The following ZNF717 variants were observed in gnomAD, a reference collection of about 807,000 sequenced individuals.
ZNF717 encodes krueppel-like factor X17.
In ZNF717, 9 loss-of-function variants were observed where a neutral mutation model predicts 13.8. The ratio of observed to expected loss-of-function variants is 0.65; its 90% CI spans 0.39 to 1.14. ZNF717 has a LOEUF of 1.14. Among genes scored for constraint, ZNF717 ranks in the 50% most tolerant of loss-of-function variants. The pLI is 0.01. For synonymous variants in ZNF717, 327 were observed against 364.1 expected, an observed-to-expected ratio of 0.90 and a Z score of 1.16; for missense variants, 1,040 against 1,080.7, an observed-to-expected ratio of 0.96 and a Z score of 0.53.
chr3:75,712,985 A>G (rs1353796717), intron 5 of ZNF717, among the ~76,000 whole-genome samples: 1 of 151,790 alleles, frequency 6.6e-6, no homozygotes, highest in Non-Finnish European at 1.5e-5. Context: ...GGTGGCTCAC[A>G]CCTGTAATCC....
intron 2 of ZNF717, among the ~76,000 whole-genome samples, chr3:75,765,179 A>C (rs891918069): frequency 4.0e-5 from 6 of 151,864 alleles, no homozygotes; most frequent in Admixed American, 6.6e-5. Context: ...TATATAAGCC[A>C]AATTTTTAGA....
chr3:75,738,418 T>C lies in ZNF717; in HGVS notation c.1205A>G (p.Lys402Arg). The C allele has an allele frequency of 2.0e-6, 3 of 1,531,868 alleles. No individual in the cohort carries two copies. Among genetic ancestry groups the C allele is most frequent in the Non-Finnish European group, 2.6e-6 (3 of 1,133,154 alleles). 94.9% of individuals were successfully genotyped at this position (1,531,868 alleles called of 1,614,324 possible). The change falls in exon 5 of 5, where the codon AAA becomes AGA. Residue 402 changes from lysine (K) to arginine (R), a missense_variant. Transcript: ENST00000652011. ...GAGGTATGACTTCTGGCTAAAGGTT[T>C]TTCCACATTCACTACACTGATAGGG... ...EKPYQCSECG[K>R]TFSQKSYLTI...
At chr3:75,780,751 A>C (rs1388230675) in intron 2 of ZNF717, among the ~76,000 whole-genome samples, 1 of 152,246 alleles carries the variant, frequency 6.6e-6, no homozygotes, top group Non-Finnish European at 1.5e-5. Context: ...TTTTAAACTA[A>C]GCTCATGCAA....
chr3:75,703,102 G>T (rs1937731049), intron 6 of ZNF717, among the ~76,000 whole-genome samples: 1 of 152,308 alleles, frequency 6.6e-6, no homozygotes, highest in African/African-American at 2.4e-5. Context: ...TATTAAATTT[G>T]ATTTGGTTTC....
At chr3:75,731,560 C>CA (rs1380986718), downstream of ZNF717, among the ~76,000 whole-genome samples, 5 of 75,756 alleles carry the variant, frequency 6.6e-5, no homozygotes, top group African/African-American at 2.6e-4. Context: ...GAGTCCATCT[C>CA]AAAAAAAGGA....
chr3:75,739,728 TTTTC>T (rs1940117394), intron 4 of ZNF717, among the ~76,000 whole-genome samples: 1 of 152,126 alleles, frequency 6.6e-6, no homozygotes, highest in African/African-American at 2.4e-5. Context: ...AGCTGCTATT[TTTTC>T]TTTATTCTTC....
chr3:75,722,983 A>C (rs1247170905), intron 4 of ZNF717, among the ~76,000 whole-genome samples: 1 of 152,054 alleles, frequency 6.6e-6, no homozygotes, highest in Non-Finnish European at 1.5e-5. Context: ...TGGCTCTTTT[A>C]CCGATCATGA....
intron 6 of ZNF717, among the ~76,000 whole-genome samples, chr3:75,695,794 T>C (rs1282517677): frequency 2.0e-5 from 3 of 152,052 alleles, no homozygotes; most frequent in South Asian, 2.1e-4. Context: ...GGAAACAGCA[T>C]AGCAAAACCT....
chr3:75,739,045 T>C lies in ZNF717; in HGVS notation c.578A>G (p.His193Arg), dbSNP rs1939968311. The change falls in exon 5 of 5, where the codon CAT (histidine) becomes CGT (arginine). Residue 193 changes from histidine to arginine, a missense_variant. By Grantham distance (29) the His-to-Arg change is conservative. Coordinates refer to ENST00000652011, the MANE Select transcript of ZNF717 (RefSeq NM_001290208.3). ...CDITRRSHRHHEHLTQHHKIQ... is the reference protein window; with the variant it reads ...CDITRRSHRHREHLTQHHKIQ... ...CTTGTGATGCTGAGTAAGATGTTCA[T>C]GATGTCTGTGGGATCTCCTGGTTAT... 1 of 1,551,592 alleles carries C rather than the reference T, an allele frequency of 6.4e-7. No homozygotes were observed. Among genetic ancestry groups the C allele is most frequent in the Non-Finnish European group, 8.7e-7 (1 of 1,146,952 alleles).
intron 4 of ZNF717, among the ~76,000 whole-genome samples, chr3:75,719,970 A>AAATAATAATAATAAT (rs200443242): frequency 0.039 from 5,679 of 146,110 alleles, 124 homozygotes; most frequent in East Asian, 0.057. Context: ...AAATAATAAT[A>AAATAATAATAATAAT]AATAATAATA....
chr3:75,732,782 G>A (rs1432712141), downstream of ZNF717, among the ~76,000 whole-genome samples: 309 of 152,360 alleles, frequency 2.0e-3, no homozygotes, highest in African/African-American at 7.1e-3. Flanking sequence ...ATTACTGGAT[G>A]CACTGTTACA....
At chr3:75,698,291 T>A (rs1423940461) in intron 6 of ZNF717, among the ~76,000 whole-genome samples, 1 of 152,304 alleles carries the variant, frequency 6.6e-6, no homozygotes, top group Non-Finnish European at 1.5e-5. Flanking sequence ...GAGCAACTAC[T>A]TGTTAGAGAT....
chr3:75,704,855 A>C (rs1937770758), downstream of ZNF717, among the ~76,000 whole-genome samples: 1 of 152,312 alleles, frequency 6.6e-6, no homozygotes, highest in African/African-American at 2.4e-5. Flanking sequence ...TCCAAGTGAC[A>C]CTGAAAAAAG....
chr3:75,715,516 C>T (rs1243026265), intron 5 of ZNF717, among the ~76,000 whole-genome samples: 1 of 152,186 alleles, frequency 6.6e-6, no homozygotes, highest in Non-Finnish European at 1.5e-5. Context: ...TTATTTTTCT[C>T]TTATATTAAC....
downstream of ZNF717, among the ~76,000 whole-genome samples, chr3:75,732,840 A>T (rs1268096216): frequency 6.6e-6 from 1 of 152,280 alleles, no homozygotes; most frequent in African/African-American, 2.4e-5. Context: ...AAGAAAAAGC[A>T]CAAGGCATAC....
intron 2 of ZNF717, among the ~76,000 whole-genome samples, chr3:75,756,016 T>C (rs1284016437): frequency 6.6e-6 from 1 of 152,274 alleles, no homozygotes; most frequent in Non-Finnish European, 1.5e-5. Flanking sequence ...CCATGTTTTT[T>C]ACATATTGAA....
In ZNF717 at chr3:75,785,503, GACCCGCAGGGACA is replaced by G. The variant is rs1559707373; in HGVS notation, c.-135_-123del. On this transcript the variant is annotated 5_prime_UTR_variant, in exon 1 of 5. An upstream start codon of the reference 5' UTR is lost. Transcript: ENST00000652011. The stretch of plus-strand genomic sequence containing the variant: ...ACGGGTTCCTCTTCGCCCTCGCACC[GACCCGCAGGGACA>G]TAGAACCAAGCCCCAGGCTGGCCCA... The G allele has an allele frequency of 6.6e-6, 1 of 152,402 alleles. No individual in the cohort carries two copies. The highest frequency in any genetic ancestry group is 1.9e-4 in the East Asian group (1 of 5,186). 9.4% of individuals were successfully genotyped at this position (152,402 alleles called of 1,614,324 possible). A position where few individuals can be genotyped will look rare whatever the true frequency, so the allele number is the denominator to read the frequency against.
At chr3:75,730,783 T>G (rs1938485425) in intron 5 of ZNF717, among the ~76,000 whole-genome samples, 2 of 152,244 alleles carry the variant, frequency 1.3e-5, no homozygotes, top group Admixed American at 1.3e-4. Flanking sequence ...GAAGGAACTT[T>G]CTGAGTTTAT....
At chr3:75,752,676 G>A (rs112331827) in intron 2 of ZNF717, among the ~76,000 whole-genome samples, 2 of 140,916 alleles carry the variant, frequency 1.4e-5, no homozygotes, top group Admixed American at 1.4e-4. Flanking sequence ...CTGCTACAAG[G>A]GTCTGAATGT....
Sources: allele counts gnomAD v4.1 joint callset (sites outside exome capture counted in the v4.1 genomes callset), GRCh38; gene constraint gnomAD v4.1.1; transcripts MANE v1.5; gene names NCBI Gene and HGNC (gene_info 2026-07-23, HGNC 2026-07-21).